The following PTPRR variants were observed in gnomAD, a reference collection of about 807,000 sequenced individuals.
The protein encoded by PTPRR is protein tyrosine phosphatase receptor type R.
PTPRR carries 38 observed loss-of-function variants against 77.2 expected under a neutral mutation model. That is an observed-to-expected ratio of 0.49 (90% CI 0.38 to 0.65). The LOEUF (loss-of-function observed/expected upper bound fraction) is 0.65. Among genes scored for constraint, PTPRR ranks in the 30% least tolerant of loss-of-function variants. The probability of loss-of-function intolerance (pLI) is 0.00; values close to 1 mark genes in which losing one functional copy is unlikely to be tolerated. For synonymous variants in PTPRR, 299 were observed against 283.1 expected (o/e 1.06, Z -0.57); for missense variants, 744 against 799.2 (o/e 0.93, Z 0.83).
chr12:70,735,586 C>T (rs1889834718), intron 6 of PTPRR, among the ~76,000 whole-genome samples: 1 of 152,072 alleles, frequency 6.6e-6, no homozygotes, highest in Admixed American at 6.5e-5. Flanking sequence ...GGGACATAGC[C>T]AAACCATATC....
chr12:70,710,956 G>A (rs1164044785), intron 6 of PTPRR, among the ~76,000 whole-genome samples: 2 of 152,168 alleles, frequency 1.3e-5, no homozygotes, highest in Non-Finnish European at 1.5e-5. Context: ...TGGTGGGAGT[G>A]TAAATTAATT....
At chr12:70,916,269 A>C (rs1893774098) in intron 1 of PTPRR, among the ~76,000 whole-genome samples, 1 of 152,116 alleles carries the variant, frequency 6.6e-6, no homozygotes, top group African/African-American at 2.4e-5. Flanking sequence ...AAAAAAGCAA[A>C]ACAGTATGAA....
chr12:70,904,527 T>A (rs933391847), intron 1 of PTPRR, among the ~76,000 whole-genome samples: 3 of 151,854 alleles, frequency 2.0e-5, no homozygotes, highest in African/African-American at 7.2e-5. Context: ...AGATCAGTGG[T>A]TATTTGGGTG....
At chr12:70,896,786 G>A (rs1367770055) in intron 1 of PTPRR, among the ~76,000 whole-genome samples, 1 of 151,756 alleles carries the variant, frequency 6.6e-6, no homozygotes, top group African/African-American at 2.4e-5. Flanking sequence ...ATTAATTTTT[G>A]TATCAGGTGT....
chr12:70,667,219 G>A (rs553830176), intron 10 of PTPRR, among the ~76,000 whole-genome samples: 40 of 152,208 alleles, frequency 2.6e-4, no homozygotes, highest in African/African-American at 8.7e-4. Context: ...GCCTCCCAAA[G>A]TGCTAGGATT....
intron 2 of PTPRR, among the ~76,000 whole-genome samples, chr12:70,863,249 C>A (rs1220295429): frequency 6.6e-6 from 1 of 152,062 alleles, no homozygotes; most frequent in Non-Finnish European, 1.5e-5. Flanking sequence ...GCTTAATATA[C>A]CAGGATATCA....
At chr12:70,769,954 A>G (rs913765595) in intron 2 of PTPRR, among the ~76,000 whole-genome samples, 3 of 152,146 alleles carry the variant, frequency 2.0e-5, no homozygotes, top group African/African-American at 4.8e-5. Context: ...CTGGCTAGCC[A>G]TATGTAGAAA....
chr12:70,907,045 G>A (rs145351008), intron 1 of PTPRR: 11 of 152,186 alleles, frequency 7.2e-5, no homozygotes, highest in East Asian at 1.9e-4. Context: ...ATTTTAACAC[G>A]TCCTTCCAGG....
chr12:70,788,693 T>G, intron 2 of PTPRR: 2 of 750,482 alleles, frequency 2.7e-6, no homozygotes, highest in Non-Finnish European at 4.5e-6. Context: ...TCACATAAGT[T>G]CTATGCTGAC....
chr12:70,744,819 G>A (rs1291297018), intron 6 of PTPRR, among the ~76,000 whole-genome samples: 2 of 152,092 alleles, frequency 1.3e-5, no homozygotes, highest in East Asian at 1.9e-4. Context: ...CCACTACCCT[G>A]GTGTTCAAAG....
chr12:70,706,589 G>C (rs1888628021), intron 6 of PTPRR, among the ~76,000 whole-genome samples: 1 of 152,046 alleles, frequency 6.6e-6, no homozygotes, highest in African/African-American at 2.4e-5. Context: ...GTAGAATGTT[G>C]CTATGCCTTT....
At chr12:70,706,638 G>A (rs570411569) in intron 6 of PTPRR, among the ~76,000 whole-genome samples, 3 of 152,146 alleles carry the variant, frequency 2.0e-5, no homozygotes, top group African/African-American at 7.2e-5. Flanking sequence ...ATAAAAAGAT[G>A]TCTGACCTTT....
At chr12:70,677,976 G>A (rs1353539260) in intron 10 of PTPRR, among the ~76,000 whole-genome samples, 2 of 152,040 alleles carry the variant, frequency 1.3e-5, no homozygotes, top group Non-Finnish European at 2.9e-5. Flanking sequence ...GAGGAGAATT[G>A]GTATTCTTTA....
chr12:70,672,098 A>G, intron 10 of PTPRR: 5 of 1,380,778 alleles, frequency 3.6e-6, no homozygotes, highest in Non-Finnish European at 5.1e-6. Flanking sequence ...CTTTGACTCT[A>G]TGCTCCCCAA....
chr12:70,907,964 A>G (rs202054744), intron 1 of PTPRR, among the ~76,000 whole-genome samples: 1 of 152,194 alleles, frequency 6.6e-6, no homozygotes, highest in Non-Finnish European at 1.5e-5. Context: ...TTCTGTTTGC[A>G]CTCACTGAAT....
intron 2 of PTPRR, among the ~76,000 whole-genome samples, chr12:70,809,576 A>G (rs1891773304): frequency 6.6e-6 from 1 of 152,190 alleles, no homozygotes; most frequent in Non-Finnish European, 1.5e-5. Flanking sequence ...TCTAACCAAT[A>G]TCTTCTCCCA....
chr12:70,828,165 TAATA>T (rs1328020000), intron 2 of PTPRR, among the ~76,000 whole-genome samples: 1 of 152,214 alleles, frequency 6.6e-6, no homozygotes, highest in Non-Finnish European at 1.5e-5. Flanking sequence ...TAACAGTATC[TAATA>T]AATAGATTTG....
chr12:70,686,763 A>G (rs942947122), intron 8 of PTPRR, among the ~76,000 whole-genome samples: 1 of 152,164 alleles, frequency 6.6e-6, no homozygotes, highest in Non-Finnish European at 1.5e-5. Context: ...AGTGCCAGCC[A>G]AGTGTTCAGC....
chr12:70,869,296 G>T (rs2137089187), intron 2 of PTPRR, among the ~76,000 whole-genome samples: 1 of 152,266 alleles, frequency 6.6e-6, no homozygotes, highest in East Asian at 1.9e-4. Flanking sequence ...CCAGTTTGTG[G>T]TCTATAAATT....
Sources: allele counts gnomAD v4.1 joint callset (sites outside exome capture counted in the v4.1 genomes callset), GRCh38; gene constraint gnomAD v4.1.1; transcripts MANE v1.5; gene names NCBI Gene and HGNC (gene_info 2026-07-23, HGNC 2026-07-21).